PTPRO: variants seen among roughly 807,000 people sequenced by gnomAD.
PTPRO encodes the protein protein tyrosine phosphatase receptor type O.
In PTPRO, 62 loss-of-function variants were observed where a neutral mutation model predicts 145.2. The ratio of observed to expected loss-of-function variants is 0.43; its 90% CI spans 0.35 to 0.53. The LOEUF is 0.53. Among genes scored for constraint, PTPRO ranks in the 20% least tolerant of loss-of-function variants. The probability of loss-of-function intolerance (pLI) is 0.01; values close to 1 mark genes in which losing one functional copy is unlikely to be tolerated. For synonymous variants in PTPRO, 565 were observed against 514.7 expected (o/e 1.10, Z -1.32); for missense variants, 1,345 against 1,482.7 (o/e 0.91, Z 1.53).
rs766488484 is a variant in PTPRO, at chr12:15,581,711, A to G, written c.3165A>G (p.Glu1055=). ...GTGACCATTACTGGCCATTCACGGAAGAACCTATAGCCTATGGAGACATCA... is the reference window on the plus strand; with the variant it reads ...GTGACCATTACTGGCCATTCACGGAGGAACCTATAGCCTATGGAGACATCA... ...VKCDHYWPFT[E]EPIAYGDITV... is the part of the protein sequence containing the mutation. Residue 1055 remains glutamate (E), a synonymous_variant, in exon 23 of 27, where the codon GAA becomes GAG. Coordinates refer to ENST00000281171, the MANE Select transcript of PTPRO (RefSeq NM_030667.3). The G allele has an allele frequency of 2.5e-6, 4 of 1,613,938 alleles. No homozygotes were observed. In the African/African-American group the frequency reaches 5.3e-5, roughly 22 times the overall value.
intron 6 of PTPRO, among the ~76,000 whole-genome samples, chr12:15,506,219 A>G (rs1288135085): frequency 6.6e-6 from 1 of 152,188 alleles, no homozygotes; most frequent in African/African-American, 2.4e-5. Flanking sequence ...CAGTAGTAAC[A>G]CTTCACGTTT....
intron 1 of PTPRO, among the ~76,000 whole-genome samples, chr12:15,380,005 T>G (rs1591759304): frequency 6.6e-6 from 1 of 152,134 alleles, no homozygotes; most frequent in Non-Finnish European, 1.5e-5. Context: ...AGAAATGAAG[T>G]GCTAGTTTTT....
intron 25 of PTPRO, among the ~76,000 whole-genome samples, chr12:15,592,416 G>T (rs1324724356): frequency 6.6e-6 from 1 of 151,990 alleles, no homozygotes; most frequent in Non-Finnish European, 1.5e-5. Context: ...CCCATCACTG[G>T]TATCTAATTT....
At chr12:15,532,974 C>T (rs1330707551) in intron 12 of PTPRO, among the ~76,000 whole-genome samples, 2 of 152,104 alleles carry the variant, frequency 1.3e-5, no homozygotes, top group Non-Finnish European at 2.9e-5. Flanking sequence ...CAGAGGTGGT[C>T]TTATCAAAGT....
intron 18 of PTPRO, 35 bp from the exon 19 acceptor site, chr12:15,569,382 T>C (rs1943984301): frequency 6.5e-7 from 1 of 1,529,014 alleles, no homozygotes; most frequent in Admixed American, 1.7e-5. Context: ...ACAAGAATTT[T>C]AAAATGTATG....
intron 1 of PTPRO, among the ~76,000 whole-genome samples, chr12:15,412,119 A>G (rs1299511127): frequency 6.6e-6 from 1 of 152,216 alleles, no homozygotes; most frequent in Non-Finnish European, 1.5e-5. Flanking sequence ...AGTTGAAACT[A>G]TGAATCTTTA....
Position 15,546,675 on chromosome 12 carries a change from A to G in PTPRO, c.2271A>G (p.Gln757=), listed in dbSNP as rs1341679831. ...CTGATTTCTTTGAAGTTTTCTGTCA[A>G]CAAGTTGGCTCCAGTCAGAAAACCA... ...GVADFFEVFC[Q]QVGSSQKTKL... The change falls in exon 13 of 27, where the codon CAA becomes CAG. Residue 757 remains glutamine, a synonymous_variant. Transcript: ENST00000281171. 4 of 1,613,922 alleles carry G rather than the reference A, an allele frequency of 2.5e-6. No homozygotes were observed. The highest frequency in any genetic ancestry group is 2.2e-5 in the East Asian group (1 of 44,850).
intron 1 of PTPRO, among the ~76,000 whole-genome samples, chr12:15,466,645 C>T (rs934769338): frequency 1.3e-5 from 2 of 152,170 alleles, no homozygotes; most frequent in African/African-American, 4.8e-5. Context: ...CATTTTTCCT[C>T]TTAATCTCAC....
At chr12:15,367,706 A>G (rs1028279002) in intron 1 of PTPRO, among the ~76,000 whole-genome samples, 2 of 152,162 alleles carry the variant, frequency 1.3e-5, no homozygotes, top group Non-Finnish European at 2.9e-5. Flanking sequence ...AGTTGGTAAC[A>G]ACTCCACCCT....
chr12:15,347,587 GT>G (rs1284529119), intron 1 of PTPRO, among the ~76,000 whole-genome samples: 2 of 152,048 alleles, frequency 1.3e-5, no homozygotes, highest in Non-Finnish European at 2.9e-5. Flanking sequence ...TACCTACCAC[GT>G]TTCACAAACC....
At chr12:15,364,130 G>T (rs1190571923) in intron 1 of PTPRO, among the ~76,000 whole-genome samples, 1 of 152,144 alleles carries the variant, frequency 6.6e-6, no homozygotes, top group Non-Finnish European at 1.5e-5. Flanking sequence ...AAAAATCACA[G>T]AGGGTCTAGG....
chr12:15,408,071 T>C (rs1939696273), intron 1 of PTPRO, among the ~76,000 whole-genome samples: 2 of 152,166 alleles, frequency 1.3e-5, no homozygotes, highest in Admixed American at 1.3e-4. Flanking sequence ...TGAGATACTA[T>C]TGTTCTAAGA....
chr12:15,523,300 A>G (rs1034858965), intron 10 of PTPRO, among the ~76,000 whole-genome samples: 2 of 152,240 alleles, frequency 1.3e-5, no homozygotes, highest in Non-Finnish European at 2.9e-5. Context: ...TCAGAATGGA[A>G]CACCGACTGT....
chr12:15,507,105 C>A lies in PTPRO; in HGVS notation c.1268-1466C>A, dbSNP rs151016588. Reference sequence around the variant, plus strand: ...TGAGATTTAATAAAAGTACTTATTTCATTGGCTTGTTATAAAAGTTAAAGG... The same window carrying A: ...TGAGATTTAATAAAAGTACTTATTTAATTGGCTTGTTATAAAAGTTAAAGG... On this transcript the variant is annotated intron_variant, in intron 6 of 26. Transcript: ENST00000281171. Among the ~76,000 whole-genome samples, 412 of 152,184 alleles carry A rather than the reference C, an allele frequency of 2.7e-3. 1 individual carries two copies. Among genetic ancestry groups the A allele is most frequent in the African/African-American group, 9.4e-3 (392 of 41,516 alleles).
intron 20 of PTPRO, 138 bp downstream of exon 20, chr12:15,579,081 ATCTCACTCTCCTTTGATG>A: frequency 1.4e-6 from 1 of 728,574 alleles, no homozygotes; most frequent in East Asian, 2.7e-5. Flanking sequence ...GATTGCATTG[ATCTCACTCTCCTTTGATG>A]TCTTTAGATC....
intron 1 of PTPRO, among the ~76,000 whole-genome samples, chr12:15,393,563 A>C (rs1939250058): frequency 6.6e-6 from 1 of 152,022 alleles, no homozygotes; most frequent in Admixed American, 6.5e-5. Context: ...CAGGTCAGGA[A>C]TTATTTTTCA....
At chr12:15,446,062 G>A (rs1940893364) in intron 1 of PTPRO, among the ~76,000 whole-genome samples, 1 of 152,024 alleles carries the variant, frequency 6.6e-6, no homozygotes, top group African/African-American at 2.4e-5. Flanking sequence ...TTACTCTAAT[G>A]CCTCATTAAT....
intron 2 of PTPRO, among the ~76,000 whole-genome samples, chr12:15,487,350 G>C (rs1348288567): frequency 6.6e-6 from 1 of 152,034 alleles, no homozygotes; most frequent in African/African-American, 2.4e-5. Flanking sequence ...GCAGGACTCT[G>C]GTCCCAAAAG....
intron 19 of PTPRO, 149 bp from the exon 20 acceptor site, chr12:15,578,704 T>G: frequency 2.9e-6 from 2 of 684,714 alleles, no homozygotes; most frequent in Non-Finnish European, 5.3e-6. Context: ...CAAAGCAAGT[T>G]GATGATAGTG....
Sources: allele counts gnomAD v4.1 joint callset (sites outside exome capture counted in the v4.1 genomes callset), GRCh38; gene constraint gnomAD v4.1.1; transcripts MANE v1.5; gene names NCBI Gene and HGNC (gene_info 2026-07-23, HGNC 2026-07-21).